Variants in HEPACAM observed in about 807,000 individuals in gnomAD.
HEPACAM encodes the protein hepatocyte cell adhesion molecule.
HEPACAM carries 18 observed loss-of-function variants against 38.3 expected under a neutral mutation model. The ratio of observed to expected loss-of-function variants is 0.47; its 90% CI spans 0.33 to 0.70. HEPACAM has a LOEUF of 0.70. Ranked by LOEUF, HEPACAM falls within the 30% of genes least tolerant of loss-of-function variation. HEPACAM has a pLI of 0.03. For synonymous variants in HEPACAM, 216 were observed against 243.1 expected (o/e 0.89, Z 1.04); for missense variants, 466 against 563.0 (o/e 0.83, Z 1.74).
At position 124,921,021 on chromosome 11, in the gene HEPACAM, G is replaced by C. The variant is rs1293130452; in HGVS notation, c.*117C>G. ...ACACGTTCACACCCGAGACACCAGCGCCCCCCCGGGACCTCCCCTCGTCCC... is the reference window on the plus strand; with the variant it reads ...ACACGTTCACACCCGAGACACCAGCCCCCCCCCGGGACCTCCCCTCGTCCC... On this transcript the variant is annotated 3_prime_UTR_variant, in exon 7 of 7. Coordinates refer to ENST00000298251, the MANE Select transcript of HEPACAM (RefSeq NM_152722.5). The surrounding 1 kb of genome is among the most constrained non-coding windows in gnomAD (Gnocchi z 4.6). The C allele has an allele frequency of 4.3e-6, 6 of 1,395,906 alleles. No individual in the cohort carries two copies. Among genetic ancestry groups the C allele is most frequent in the South Asian group, 1.5e-5 (1 of 64,974 alleles). The allele number at this position is 1,395,906 out of a possible 1,614,324, so 86.5% of individuals were successfully genotyped here. A position where few individuals can be genotyped will look rare whatever the true frequency, so the allele number is the denominator to read the frequency against.
Position 124,921,308 on chromosome 11 carries a change from A to G in HEPACAM, c.1081T>C (p.Tyr361His), listed in dbSNP as rs1220829042. The stretch of plus-strand genomic sequence containing the variant: ...GGGGAGCGCGCTGGGGAGCGCGGGT[A>G]GCGGCGGGCAGAGCGGATGGGCAGC... ...PGLPIRSARR[Y>H]PRSPARSPAT... Residue 361 changes from tyrosine (Y) to histidine (H), a missense_variant, in exon 7 of 7, where the codon TAC becomes CAC. Physicochemically the swap from Tyr to His is moderately conservative, Grantham distance 83. Coordinates refer to ENST00000298251, the MANE Select transcript of HEPACAM (RefSeq NM_152722.5). This position sits in a 1 kb window ranked among gnomAD's most constrained non-coding sequence, Gnocchi z 4.6. 7.7e-7 allele frequency: 1 copy of G among 1,298,106 alleles called. No individual in the cohort carries two copies. The highest frequency in any genetic ancestry group is 9.7e-7 in the Non-Finnish European group (1 of 1,030,024). The allele number at this position is 1,298,106 out of a possible 1,614,324, so 80.4% of individuals were successfully genotyped here.
At chr11:124,935,327 G>A (rs74694219) in intron 1 of HEPACAM, among the ~76,000 whole-genome samples, 11 of 143,366 alleles carry the variant, frequency 7.7e-5, no homozygotes, top group East Asian at 2.0e-4. Flanking sequence ...GTGTGTGTGT[G>A]TATATGTGTA....
intron 4 of HEPACAM, 30 bp downstream of exon 4, chr11:124,923,310 G>T (rs371213629): frequency 2.4e-5 from 33 of 1,391,718 alleles, no homozygotes; most frequent in Admixed American, 6.7e-5. Flanking sequence ...TGGATTGAAG[G>T]ACTCAGGTGC....
intron 1 of HEPACAM, among the ~76,000 whole-genome samples, chr11:124,933,557 C>A (rs1947306387): frequency 6.6e-6 from 1 of 152,218 alleles, no homozygotes; most frequent in South Asian, 2.1e-4. Flanking sequence ...CCCAGTCTTA[C>A]TGACCGACGT....
At chr11:124,933,726 C>G (rs1159304456) in intron 1 of HEPACAM, among the ~76,000 whole-genome samples, 1 of 152,202 alleles carries the variant, frequency 6.6e-6, no homozygotes, top group Non-Finnish European at 1.5e-5. Context: ...CCAAAGCCAA[C>G]AGTAACCTCT....
chr11:124,924,657 T>G lies in HEPACAM; in HGVS notation c.427+71A>C. 1 of 1,394,252 alleles carries G rather than the reference T, an allele frequency of 7.2e-7. No individual in the cohort carries two copies. Among genetic ancestry groups the G allele is most frequent in the East Asian group, 2.3e-5 (1 of 43,834 alleles). The allele number at this position is 1,394,252 out of a possible 1,614,324, so 86.4% of individuals were successfully genotyped here. On this transcript the variant is annotated intron_variant, in intron 2 of 6. Coordinates refer to ENST00000298251, the MANE Select transcript of HEPACAM (RefSeq NM_152722.5). This position sits in a 1 kb window ranked among gnomAD's most constrained non-coding sequence, Gnocchi z 4.4. ...TGGGTTGGTTTTCCCTCAGTCTAGC[T>G]GGTGCGCTGGGCAGACCTTTCCCTA... is the stretch of plus-strand genomic sequence containing the variant.
intron 1 of HEPACAM, among the ~76,000 whole-genome samples, chr11:124,935,614 C>T (rs1329534292): frequency 5.3e-5 from 8 of 152,240 alleles, no homozygotes; most frequent in South Asian, 2.1e-4. Context: ...GAATGCCAGA[C>T]TGGCCCACGC....
intron 6 of HEPACAM, among the ~76,000 whole-genome samples, chr11:124,922,088 T>TTCGATTC (rs902082441): frequency 2.6e-5 from 4 of 152,226 alleles, no homozygotes; most frequent in African/African-American, 9.7e-5. Flanking sequence ...CGTGGCTGCA[T>TTCGATTC]TCGATTCTCG....
chr11:124,926,333 T>C (rs1565339859), intron 1 of HEPACAM, among the ~76,000 whole-genome samples: 1 of 152,252 alleles, frequency 6.6e-6, no homozygotes, highest in African/African-American at 2.4e-5. Context: ...TTTTGGGCCT[T>C]ATTATTGATA....
intron 1 of HEPACAM, among the ~76,000 whole-genome samples, chr11:124,927,485 G>T (rs1406949223): frequency 6.8e-6 from 1 of 146,942 alleles, no homozygotes; most frequent in African/African-American, 2.5e-5. Context: ...TGGGACCACA[G>T]GCATGTGCCA....
chr11:124,929,622 A>G (rs1947259421), intron 1 of HEPACAM, among the ~76,000 whole-genome samples: 1 of 152,204 alleles, frequency 6.6e-6, no homozygotes, highest in South Asian at 2.1e-4. Flanking sequence ...ATCATAATAT[A>G]GAAAGTTTCT....
intron 1 of HEPACAM, among the ~76,000 whole-genome samples, chr11:124,929,299 A>T (rs1402476791): frequency 6.6e-6 from 1 of 152,252 alleles, no homozygotes; most frequent in African/African-American, 2.4e-5. Context: ...CATCATGCCT[A>T]TGAACATGGG....
At chr11:124,925,326 T>C (rs1034967239) in intron 1 of HEPACAM, among the ~76,000 whole-genome samples, 1 of 152,238 alleles carries the variant, frequency 6.6e-6, no homozygotes, top group Non-Finnish European at 1.5e-5. Flanking sequence ...CTCTGGCACT[T>C]TGTCTATTGC....
At chr11:124,928,354 G>T (rs7130442) in intron 1 of HEPACAM, among the ~76,000 whole-genome samples, 107,407 of 152,134 alleles carry the variant, frequency 0.71, 38,385 homozygotes, top group East Asian at 0.9. Flanking sequence ...CTTTGGTATG[G>T]ATAACAAGAG....
Position 124,921,972 on chromosome 11 carries a change from G to A in HEPACAM, c.948+416C>T, listed in dbSNP as rs1485542431. On this transcript the variant is annotated intron_variant, in intron 6 of 6. Transcript: ENST00000298251. The surrounding 1 kb of genome is among the most constrained non-coding windows in gnomAD (Gnocchi z 4.6). ...GTCCATAGCCTGTTAGGAAGGGAGC[G>A]GCAGAGCAGGAGGTGAGCGGTAGGC... Among the ~76,000 whole-genome samples, 1 of 152,200 alleles carries A rather than the reference G, an allele frequency of 6.6e-6. No homozygotes were observed. The highest frequency in any genetic ancestry group is 1.5e-5 in the Non-Finnish European group (1 of 68,032).
chr11:124,935,642 C>A (rs750663453), intron 1 of HEPACAM, among the ~76,000 whole-genome samples: 23 of 152,324 alleles, frequency 1.5e-4, no homozygotes, highest in African/African-American at 5.5e-4. Flanking sequence ...TCATCCCATA[C>A]GAAATGGCCC....
At chr11:124,925,220 TC>T in intron 1 of HEPACAM, 151 bp from the exon 2 acceptor site, 1 of 620,562 alleles carries the variant, frequency 1.6e-6, no homozygotes, top group Non-Finnish European at 2.8e-6. Context: ...GGGTGCTATC[TC>T]CTCCCCCACA....
Position 124,924,623 on chromosome 11 carries a change from A to G in HEPACAM, c.427+105T>C, listed in dbSNP as rs1016599410. ...CCACTTGCCTCATTCTCAGCTCCCA[A>G]GTGCCTTTTGGGTTGGTTTTCCCTC... On this transcript the variant is annotated intron_variant, in intron 2 of 6. Coordinates refer to ENST00000298251, the MANE Select transcript of HEPACAM (RefSeq NM_152722.5). The surrounding 1 kb of genome is among the most constrained non-coding windows in gnomAD (Gnocchi z 4.4). The G allele has an allele frequency of 2.0e-5, 20 of 990,582 alleles. No individual in the cohort carries two copies. The highest frequency in any genetic ancestry group is 2.8e-5 in the Non-Finnish European group (17 of 615,076). The allele number at this position is 990,582 out of a possible 1,614,324, so 61.4% of individuals were successfully genotyped here.
At chr11:124,935,307 TTGTGTGTG>T (rs57032842) in intron 1 of HEPACAM, among the ~76,000 whole-genome samples, 1 of 150,748 alleles carries the variant, frequency 6.6e-6, no homozygotes, top group Non-Finnish European at 1.5e-5. Flanking sequence ...TGCTCTGTAA[TTGTGTGTG>T]TGTGTGTGTG....
Sources: gnomAD v4.1 joint callset for allele counts (sites outside exome capture counted in the v4.1 genomes callset) on GRCh38, gnomAD v4.1.1 for gene constraint, Gnocchi (gnomAD v3.1) non-coding constraint, MANE v1.5 for transcripts, NCBI Gene and HGNC (gene_info 2026-07-23, HGNC 2026-07-21) for gene names.